The following CSGALNACT1 variants were observed in gnomAD, a reference collection of about 807,000 sequenced individuals.
The protein encoded by CSGALNACT1 is beta4GalNAcT-1.
In CSGALNACT1, 52 loss-of-function variants were observed where a neutral mutation model predicts 51.0. That is an observed-to-expected ratio of 1.02 (90% confidence interval 0.82 to 1.29). The LOEUF (loss-of-function observed/expected upper bound fraction) is 1.29. CSGALNACT1 is among the 50% of genes most tolerant of loss of function. The probability of loss-of-function intolerance (pLI) is 0.00; values close to 1 mark genes in which losing one functional copy is unlikely to be tolerated. For synonymous variants in CSGALNACT1, 341 were observed against 254.4 expected (o/e 1.34, Z -3.24); for missense variants, 935 against 679.2 (o/e 1.38, Z -4.19).
rs1453681878 is a variant in CSGALNACT1 at position 19,614,088 on chromosome 8, C to T, written c.-543-12223G>A. 2.6e-5 allele frequency among the ~76,000 whole-genome samples: 4 copies of T among 152,190 alleles called. No homozygotes were observed. The East Asian group carries it at 7.7e-4, about 29-fold the overall frequency. The stretch of plus-strand genomic sequence containing the variant: ...ATCTACTAAAAGAATGATGTAGAAT[C>T]TTTTAGTTCTTTGAAATCTGTCACA... On this transcript the variant is annotated intron_variant, in intron 1 of 9. Coordinates refer to the CSGALNACT1 transcript ENST00000332246.
chr8:19,678,396 T>C (rs1469373603), intron 1 of CSGALNACT1, among the ~76,000 whole-genome samples: 2 of 152,192 alleles, frequency 1.3e-5, no homozygotes, highest in African/African-American at 4.8e-5. Context: ...ACAAAAATGA[T>C]TCCAGGATAA....
At chr8:19,480,469 A>G (rs2071054430) in intron 4 of CSGALNACT1, among the ~76,000 whole-genome samples, 1 of 152,198 alleles carries the variant, frequency 6.6e-6, no homozygotes, top group Non-Finnish European at 1.5e-5. Context: ...ATGGCTGCAT[A>G]GTACGCCATG....
At chr8:19,452,946 G>A (rs763075184) in intron 5 of CSGALNACT1, among the ~76,000 whole-genome samples, 2 of 152,088 alleles carry the variant, frequency 1.3e-5, no homozygotes, top group East Asian at 3.9e-4. Context: ...GAAATACCCT[G>A]TCCTCAAAAT....
At chr8:19,448,664 C>A (rs2062565295) in intron 5 of CSGALNACT1, among the ~76,000 whole-genome samples, 1 of 152,102 alleles carries the variant, frequency 6.6e-6, no homozygotes, top group African/African-American at 2.4e-5. Context: ...GGTGAGTAGC[C>A]ACCCCGCACA....
At chr8:19,605,263 C>G (rs1449551640), upstream of CSGALNACT1, among the ~76,000 whole-genome samples, 1 of 152,068 alleles carries the variant, frequency 6.6e-6, no homozygotes, top group Non-Finnish European at 1.5e-5. Context: ...TGGTGAAACC[C>G]CGTCTCAACT....
At chr8:19,467,188 C>T (rs867250853) in intron 4 of CSGALNACT1, among the ~76,000 whole-genome samples, 2 of 138,410 alleles carry the variant, frequency 1.4e-5, no homozygotes, top group African/African-American at 2.7e-5. Flanking sequence ...GGTGCGATCT[C>T]GGCTCACTGC....
chr8:19,584,395 A>ATT (rs35677277), intron 3 of CSGALNACT1, among the ~76,000 whole-genome samples: 22 of 151,564 alleles, frequency 1.5e-4, no homozygotes, highest in Admixed American at 3.9e-4. Context: ...GGGCTGAAAT[A>ATT]TTTTTTTTTG....
chr8:19,547,221 T>C (rs926363325), intron 3 of CSGALNACT1, among the ~76,000 whole-genome samples: 1 of 152,210 alleles, frequency 6.6e-6, no homozygotes, highest in Non-Finnish European at 1.5e-5. Flanking sequence ...GCTGGTATTT[T>C]TGAGGTGTAA....
intron 1 of CSGALNACT1, among the ~76,000 whole-genome samples, chr8:19,612,474 TTCC>T (rs2052398647): frequency 6.6e-6 from 1 of 152,142 alleles, no homozygotes; most frequent in Non-Finnish European, 1.5e-5. Flanking sequence ...TCTTCACTAT[TTCC>T]TCAAGATCAT....
At chr8:19,645,303 T>C (rs867764762) in intron 1 of CSGALNACT1, among the ~76,000 whole-genome samples, 1 of 152,198 alleles carries the variant, frequency 6.6e-6, no homozygotes, top group Non-Finnish European at 1.5e-5. Context: ...CAGTGGGACA[T>C]AGCCAAGACA....
intron 1 of CSGALNACT1, among the ~76,000 whole-genome samples, chr8:19,653,271 G>C (rs1041485201): frequency 6.6e-6 from 1 of 152,070 alleles, no homozygotes; most frequent in African/African-American, 2.4e-5. Flanking sequence ...CCTTCTAAGG[G>C]AGGCTGAGCA....
intron 3 of CSGALNACT1, among the ~76,000 whole-genome samples, chr8:19,509,670 C>A (rs1233295210): frequency 6.6e-6 from 1 of 150,472 alleles, no homozygotes. Context: ...ACCTCTGCCA[C>A]CTTCAGGAAA....
chr8:19,408,285 C>A (rs1287557685), intron 9 of CSGALNACT1, among the ~76,000 whole-genome samples: 1 of 151,952 alleles, frequency 6.6e-6, no homozygotes, highest in Non-Finnish European at 1.5e-5. Flanking sequence ...CCCTCTTGGT[C>A]CAGCCCTGAG....
chr8:19,635,263 C>T (rs371128803), intron 1 of CSGALNACT1, among the ~76,000 whole-genome samples: 9 of 152,182 alleles, frequency 5.9e-5, no homozygotes, highest in African/African-American at 2.2e-4. Context: ...AACTCCTTGG[C>T]GAGTAGGCCC....
At chr8:19,478,929 G>C (rs894020205) in intron 4 of CSGALNACT1, among the ~76,000 whole-genome samples, 3 of 152,106 alleles carry the variant, frequency 2.0e-5, no homozygotes, top group Non-Finnish European at 4.4e-5. Context: ...CTAATGTTTG[G>C]ATGGTAGGAA....
chr8:19,458,233 T>C (rs536487009), intron 5 of CSGALNACT1, among the ~76,000 whole-genome samples, 193 bp downstream of exon 4: 1 of 152,322 alleles, frequency 6.6e-6, no homozygotes, highest in Admixed American at 6.5e-5. Context: ...GTCAATATGC[T>C]TGTAAGGCAG....
intron 1 of CSGALNACT1, among the ~76,000 whole-genome samples, chr8:19,650,805 A>G (rs998225454): frequency 1.3e-5 from 2 of 152,212 alleles, no homozygotes; most frequent in Non-Finnish European, 2.9e-5. Flanking sequence ...TTGGCCAGGA[A>G]GTGAGTCTTG....
intron 4 of CSGALNACT1, among the ~76,000 whole-genome samples, chr8:19,471,004 G>A (rs1340234074): frequency 6.6e-6 from 1 of 152,048 alleles, no homozygotes; most frequent in Non-Finnish European, 1.5e-5. Context: ...GCTGAGGCAC[G>A]AGAGTCGCTT....
At chr8:19,586,197 T>C (rs1015509301) in intron 3 of CSGALNACT1, among the ~76,000 whole-genome samples, 5 of 151,954 alleles carry the variant, frequency 3.3e-5, no homozygotes, top group African/African-American at 1.2e-4. Context: ...ACCCCGTCTC[T>C]ACTAAAAACA....
Sources: allele counts gnomAD v4.1 joint callset (sites outside exome capture counted in the v4.1 genomes callset), GRCh38; gene constraint gnomAD v4.1.1; transcripts MANE v1.5; gene names NCBI Gene and HGNC (gene_info 2026-07-23, HGNC 2026-07-21).